Variants in STRN observed in about 807,000 individuals in gnomAD.
The protein encoded by STRN is protein phosphatase 2 regulatory subunit B'''alpha.
A neutral mutation model predicts 96.3 loss-of-function variants in STRN; 53 were observed. That is an observed-to-expected ratio of 0.55 (90% CI 0.44 to 0.69). The LOEUF (loss-of-function observed/expected upper bound fraction) is 0.69. STRN is among the 30% of genes least tolerant of loss of function. The pLI is 0.00. For missense variants in STRN, 987 were observed against 963.9 expected (o/e 1.02, Z -0.32); for synonymous variants, 428 against 355.9 (o/e 1.20, Z -2.28).
chr2:36,866,953 C>T (rs866259225), intron 12 of STRN, among the ~76,000 whole-genome samples: 6 of 152,238 alleles, frequency 3.9e-5, no homozygotes, highest in Middle Eastern at 3.4e-3. Flanking sequence ...AGATAGAATA[C>T]AGTTGGGTCT....
At chr2:36,921,020 A>C (rs966797471) in intron 2 of STRN, among the ~76,000 whole-genome samples, 1 of 151,852 alleles carries the variant, frequency 6.6e-6, no homozygotes, top group African/African-American at 2.4e-5. Flanking sequence ...GGCTGCAGTG[A>C]GCCGATATCA....
chr2:36,876,893 G>A (rs184320873), intron 10 of STRN, among the ~76,000 whole-genome samples: 1,938 of 151,856 alleles, frequency 0.013, 42 homozygotes, highest in African/African-American at 0.044. Flanking sequence ...GACTACAGGC[G>A]CCTGCCACCA....
At chr2:36,883,869 T>G in intron 9 of STRN, 63 bp downstream of exon 9, 3 of 1,299,900 alleles carry the variant, frequency 2.3e-6, no homozygotes, top group Non-Finnish European at 3.0e-6. Flanking sequence ...GCCTTTCTAA[T>G]GAATGAATTT....
At chr2:36,916,387 T>C (rs1356561149) in intron 2 of STRN, among the ~76,000 whole-genome samples, 2 of 152,136 alleles carry the variant, frequency 1.3e-5, no homozygotes, top group African/African-American at 4.8e-5. Context: ...CTGGGAATCA[T>C]TAACTCTTCT....
chr2:36,945,599 G>C (rs575171362), intron 1 of STRN, among the ~76,000 whole-genome samples: 1 of 152,152 alleles, frequency 6.6e-6, no homozygotes, highest in Non-Finnish European at 1.5e-5. Flanking sequence ...CCAAGAGGCA[G>C]AGTTGCAGTG....
intron 10 of STRN, among the ~76,000 whole-genome samples, chr2:36,872,342 A>G (rs139291384): frequency 1.6e-3 from 237 of 152,306 alleles, no homozygotes; most frequent in Middle Eastern, 3.4e-3. Flanking sequence ...AATAGACAGC[A>G]AAGAACCAAG....
intron 2 of STRN, among the ~76,000 whole-genome samples, chr2:36,920,832 T>G (rs7605601): frequency 0.54 from 82,551 of 151,722 alleles, 23,414 homozygotes; most frequent in African/African-American, 0.69. Flanking sequence ...ATCCCAACAC[T>G]TTCGGAGGCC....
intron 1 of STRN, among the ~76,000 whole-genome samples, chr2:36,927,525 G>GC (rs1491443441): frequency 2.3e-4 from 6 of 25,940 alleles, no homozygotes; most frequent in East Asian, 2.2e-3. Flanking sequence ...ACAAAAAAAA[G>GC]GGGGGGGGGG....
chr2:36,952,449 GAA>G (rs10557458), intron 1 of STRN, among the ~76,000 whole-genome samples: 20,803 of 76,614 alleles, frequency 0.27, 1,460 homozygotes, highest in South Asian at 0.34. Flanking sequence ...AAGCACGAGA[GAA>G]AAAAAAAAAA....
chr2:36,855,326 G>A lies in STRN; in HGVS notation c.1864C>T (p.Leu622=). The A allele has an allele frequency of 6.2e-7, 1 of 1,613,342 alleles. No homozygotes were observed. Among genetic ancestry groups the A allele is most frequent in the South Asian group, 1.1e-5 (1 of 90,926 alleles). ...ATATGGCTCGGGTCACTGCTCACTA[G>A]ATCCACAGAGGCAGGGATTCCCAGT... ...KELGIPASVD[L]VSSDPSHMVA... is the part of the protein sequence containing the mutation. The change falls in exon 15 of 18, where the codon CTA becomes TTA. Residue 622 remains leucine, a synonymous_variant. Transcript: ENST00000263918.
At chr2:36,956,609 C>T (rs1311213138) in intron 1 of STRN, among the ~76,000 whole-genome samples, 1 of 152,206 alleles carries the variant, frequency 6.6e-6, no homozygotes, top group African/African-American at 2.4e-5. Context: ...GGGACTCTAT[C>T]CAGATTATCT....
chr2:36,876,848 C>T (rs1195683951), intron 10 of STRN, among the ~76,000 whole-genome samples: 2 of 151,606 alleles, frequency 1.3e-5, no homozygotes, highest in Non-Finnish European at 2.9e-5. Context: ...CCTGGGTTCA[C>T]GCCATTCTCC....
chr2:36,893,871 C>T, intron 7 of STRN, 27 bp downstream of exon 7: 1 of 1,576,234 alleles, frequency 6.3e-7, no homozygotes, highest in Non-Finnish European at 8.6e-7. Flanking sequence ...CTTAACATCT[C>T]TGGTTGGATC....
At chr2:36,849,888 T>C in intron 16 of STRN, 88 bp from the exon 17 acceptor site, 1 of 1,263,204 alleles carries the variant, frequency 7.9e-7, no homozygotes, top group East Asian at 2.4e-5. Context: ...GTTTCTCCAG[T>C]CATCCCTCTC....
At chr2:36,860,225 G>A (rs187395817) in intron 13 of STRN, among the ~76,000 whole-genome samples, 187 of 152,272 alleles carry the variant, frequency 1.2e-3, no homozygotes, top group African/African-American at 3.9e-3. Flanking sequence ...TTCGAGTACA[G>A]TCACAAAAGA....
chr2:36,908,674 G>A (rs1404690312), intron 3 of STRN, among the ~76,000 whole-genome samples: 1 of 152,086 alleles, frequency 6.6e-6, no homozygotes, highest in Non-Finnish European at 1.5e-5. Flanking sequence ...GACCCTCTAA[G>A]TAACATCTGA....
chr2:36,913,108 C>T (rs561452518), intron 3 of STRN, among the ~76,000 whole-genome samples: 1 of 152,306 alleles, frequency 6.6e-6, no homozygotes, highest in Non-Finnish European at 1.5e-5. Flanking sequence ...CTGCAACAAT[C>T]CTCTAACCAG....
At position 36,927,597 on chromosome 2, in the gene STRN, G is replaced by A. The variant is rs192466054; in HGVS notation, c.235-2389C>T. Among the ~76,000 whole-genome samples, 1,207 of 151,586 alleles carry A rather than the reference G, an allele frequency of 8.0e-3. 21 individuals carry two copies. Among genetic ancestry groups the A allele is most frequent in the African/African-American group, 0.028 (1,155 of 41,290 alleles). On this transcript the variant is annotated intron_variant, in intron 1 of 17. Coordinates refer to ENST00000263918, the MANE Select transcript of STRN (RefSeq NM_003162.4). ...TAATCCCAGAACTTTGGGAGACTGA[G>A]GTGAGAGGATAGCTTGAGGCTGGAG...
At chr2:36,880,213 C>T (rs189327623) in intron 9 of STRN, among the ~76,000 whole-genome samples, 7 of 152,336 alleles carry the variant, frequency 4.6e-5, no homozygotes, top group Admixed American at 3.9e-4. Context: ...AGCGATCTCC[C>T]TGCCTTGGCC....
Sources: gnomAD v4.1 joint callset for allele counts (sites outside exome capture counted in the v4.1 genomes callset) on GRCh38, gnomAD v4.1.1 for gene constraint, MANE v1.5 for transcripts, NCBI Gene and HGNC (gene_info 2026-07-23, HGNC 2026-07-21) for gene names.